ABCA13: variants seen among roughly 807,000 people sequenced by gnomAD.
ABCA13 encodes the protein ATP binding cassette subfamily A member 13, also known as ATP-binding cassette sub-family A member 13.
ABCA13 carries 476 observed loss-of-function variants against 478.7 expected under a neutral mutation model. The ratio of observed to expected loss-of-function variants is 0.99; its 90% CI spans 0.92 to 1.07. The LOEUF is 1.07. Ranked by LOEUF, ABCA13 falls within the 50% of genes least tolerant of loss-of-function variation. The pLI, the probability that ABCA13 is intolerant of heterozygous loss-of-function variation, is 0.00. For missense variants in ABCA13, 6,060 were observed against 5,910.6 expected (o/e 1.03, Z -0.83); for synonymous variants, 2,252 against 2,158.9 (o/e 1.04, Z -1.20).
In ABCA13 at chr7:48,355,681, A is replaced by G. The variant is rs1268886396; in HGVS notation, c.10688+3194A>G. Among the ~76,000 whole-genome samples, 7 of 151,984 alleles carry G rather than the reference A, an allele frequency of 4.6e-5. 1 individual carries two copies. Among genetic ancestry groups the G allele is most frequent in the Admixed American group, 1.3e-4 (2 of 15,274 alleles). On this transcript the variant is annotated intron_variant, in intron 31 of 61. Transcript: ENST00000435803. ...AGAGAAGCTGGTAAAAAGTGGTCTGATTCTTGGTTGCATTCAGGAAGTAGA... is the reference window on the plus strand; with the variant it reads ...AGAGAAGCTGGTAAAAAGTGGTCTGGTTCTTGGTTGCATTCAGGAAGTAGA...
At chr7:48,265,299 G>A (rs1584507950) in intron 15 of ABCA13, among the ~76,000 whole-genome samples, 2 of 151,426 alleles carry the variant, frequency 1.3e-5, no homozygotes, top group East Asian at 3.9e-4. Context: ...ATGAATTTTA[G>A]AATCTGCTTG....
intron 31 of ABCA13, among the ~76,000 whole-genome samples, chr7:48,363,525 AT>A: frequency 6.6e-6 from 1 of 152,034 alleles, no homozygotes; most frequent in Non-Finnish European, 1.5e-5. Context: ...AGCTTTGCAA[AT>A]TTAGAAATAC....
At chr7:48,239,460 A>G (rs1240242179) in intron 9 of ABCA13, 55 bp downstream of exon 9, 3 of 1,520,242 alleles carry the variant, frequency 2.0e-6, no homozygotes, top group East Asian at 2.3e-5. Context: ...TGAGTGTCCA[A>G]ATCCATTCTC....
rs759916659 is a variant in ABCA13 at position 48,275,971 on chromosome 7, C to T, written c.6305C>T (p.Ala2102Val). ...CTTCAAAAGATAACTTTGCAGTTTG[C>T]CCATTTCCTGGAAATCCTGGATTCA... is the stretch of plus-strand genomic sequence containing the variant. ...MALQKITLQF[A>V]HFLEILDSPS... Residue 2102 changes from alanine (A) to valine (V), a missense_variant, in exon 17 of 62, where the codon GCC becomes GTC. By Grantham distance (64) the Ala-to-Val change is moderately conservative (BLOSUM62 0). Coordinates refer to ENST00000435803, the MANE Select transcript of ABCA13 (RefSeq NM_152701.5). 51 of 1,613,324 alleles carry T rather than the reference C, an allele frequency of 3.2e-5. No individual in the cohort carries two copies. The highest frequency in any genetic ancestry group is 4.0e-5 in the Non-Finnish European group (47 of 1,179,734).
chr7:48,640,844 T>C (rs1795054316), intron 59 of ABCA13, among the ~76,000 whole-genome samples: 1 of 152,132 alleles, frequency 6.6e-6, no homozygotes, highest in Non-Finnish European at 1.5e-5. Context: ...TAATTTTACG[T>C]TTAGAAGTCT....
chr7:48,220,256 A>G (rs376831012), intron 4 of ABCA13, among the ~76,000 whole-genome samples: 12 of 152,246 alleles, frequency 7.9e-5, no homozygotes, highest in African/African-American at 2.4e-4. Flanking sequence ...GTCATTGCCT[A>G]TTGTGATATT....
At chr7:48,194,625 A>G (rs1469348749) in intron 2 of ABCA13, among the ~76,000 whole-genome samples, 1 of 152,142 alleles carries the variant, frequency 6.6e-6, no homozygotes, top group Admixed American at 6.5e-5. Flanking sequence ...AAATATGTAT[A>G]ATGTGGTTGA....
chr7:48,502,173 G>C (rs548950525), intron 48 of ABCA13, among the ~76,000 whole-genome samples: 1 of 152,178 alleles, frequency 6.6e-6, no homozygotes, highest in Non-Finnish European at 1.5e-5. Flanking sequence ...GAGAGGGTCT[G>C]GCACGTTGGG....
intron 13 of ABCA13, among the ~76,000 whole-genome samples, chr7:48,247,975 A>G (rs1791953526): frequency 6.6e-6 from 1 of 152,236 alleles, no homozygotes; most frequent in Non-Finnish European, 1.5e-5. Flanking sequence ...TGTTGCAACT[A>G]GCTAACACAG....
chr7:48,454,592 C>T (rs1448509400), intron 42 of ABCA13, among the ~76,000 whole-genome samples: 1 of 142,622 alleles, frequency 7.0e-6, no homozygotes. Context: ...GGAGCGGGGG[C>T]GGGGTGCAGG....
chr7:48,372,571 A>G, intron 33 of ABCA13, 74 bp downstream of exon 33: 1 of 1,209,652 alleles, frequency 8.3e-7, no homozygotes, highest in Non-Finnish European at 1.1e-6. Context: ...ACAAAATCCC[A>G]CCACTCTCAC....
chr7:48,507,411 C>T (rs1160223741), intron 49 of ABCA13, among the ~76,000 whole-genome samples: 4 of 152,164 alleles, frequency 2.6e-5, no homozygotes, highest in African/African-American at 9.7e-5. Context: ...CAATCTATTG[C>T]AAAATCTTGT....
chr7:48,403,483 C>G (rs1817872133), intron 38 of ABCA13, among the ~76,000 whole-genome samples, 200 bp from the exon 39 acceptor site: 1 of 152,222 alleles, frequency 6.6e-6, no homozygotes, highest in Non-Finnish European at 1.5e-5. Context: ...GGTTGGTGTC[C>G]CTTGGCGTGG....
intron 55 of ABCA13, among the ~76,000 whole-genome samples, chr7:48,563,086 G>A (rs1304990840): frequency 6.6e-6 from 1 of 152,042 alleles, no homozygotes; most frequent in African/African-American, 2.4e-5. Flanking sequence ...TTTTAAATAT[G>A]CAATGCATGG....
At chr7:48,332,038 C>T (rs1341193085) in intron 27 of ABCA13, among the ~76,000 whole-genome samples, 1 of 152,170 alleles carries the variant, frequency 6.6e-6, no homozygotes, top group African/African-American at 2.4e-5. Flanking sequence ...TAGCATAATT[C>T]CCTAGAGTAG....
intron 56 of ABCA13, among the ~76,000 whole-genome samples, chr7:48,583,880 AAAAC>A (rs1336997410): frequency 6.6e-6 from 1 of 152,232 alleles, no homozygotes; most frequent in African/African-American, 2.4e-5. Context: ...TGACATTCAG[AAAAC>A]ATTGGATCAA....
chr7:48,607,617 C>A (rs562854105), intron 58 of ABCA13, among the ~76,000 whole-genome samples: 3 of 152,262 alleles, frequency 2.0e-5, no homozygotes, highest in East Asian at 1.9e-4. Flanking sequence ...TGAACAATTT[C>A]TTTTGACTGC....
intron 61 of ABCA13, 26 bp downstream of exon 61, chr7:48,644,780 G>T (rs1373162323): frequency 2.0e-6 from 3 of 1,536,030 alleles, no homozygotes; most frequent in Non-Finnish European, 2.6e-6. Context: ...TGATTCAGGA[G>T]GTTGAATTTT....
intron 8 of ABCA13, among the ~76,000 whole-genome samples, chr7:48,234,997 G>A (rs959825019): frequency 2.6e-5 from 4 of 152,168 alleles, no homozygotes; most frequent in Non-Finnish European, 5.9e-5. Flanking sequence ...TCACATTTCA[G>A]TGCAGCTAGT....
Sources: allele counts gnomAD v4.1 joint callset (sites outside exome capture counted in the v4.1 genomes callset), GRCh38; gene constraint gnomAD v4.1.1; transcripts MANE v1.5; gene names NCBI Gene and HGNC (gene_info 2026-07-23, HGNC 2026-07-21).